The following ATIC variants were observed in gnomAD, a reference collection of about 807,000 sequenced individuals.
The protein encoded by ATIC is 5-aminoimidazole-4-carboxamide ribonucleotide formyltransferase/IMP cyclohydrolase.
ATIC carries 64 observed loss-of-function variants against 72.5 expected under a neutral mutation model. The observed-to-expected ratio is 0.88, with a 90% CI of 0.72 to 1.09. The LOEUF (loss-of-function observed/expected upper bound fraction) is 1.09. ATIC is among the 50% of genes least tolerant of loss of function. The probability of loss-of-function intolerance (pLI) is 0.00; values close to 1 mark genes in which losing one functional copy is unlikely to be tolerated. For synonymous variants in ATIC, 281 were observed against 267.1 expected, an observed-to-expected ratio of 1.05 and a Z score of -0.51; for missense variants, 787 against 732.4, an observed-to-expected ratio of 1.07 and a Z score of -0.86.
the ATIC span, chr2:215,365,006 G>C: frequency 2.1e-6 from 3 of 1,444,018 alleles, no homozygotes; most frequent in Non-Finnish European, 2.9e-6. Context: ...ACACAAGACA[G>C]ATGCACGCAT....
Position 215,326,933 on chromosome 2 carries a change from A to T in ATIC, c.643A>T (p.Thr215Ser). 1 of 1,614,044 alleles carries T rather than the reference A, an allele frequency of 6.2e-7. No individual in the cohort carries two copies. Among genetic ancestry groups the T allele is most frequent in the Non-Finnish European group, 8.5e-7 (1 of 1,180,014 alleles). ...GAGATATGGAATGAACCCACATCAG[A>T]CCCCTGCCCAGCTGTACACACTGCA... is the stretch of plus-strand genomic sequence containing the variant. ...PLRYGMNPHQ[T>S]PAQLYTLQPK... Residue 215 changes from threonine (T) to serine (S), a missense_variant, in exon 7 of 16, where the codon ACC becomes TCC. Coordinates refer to ENST00000236959, the MANE Select transcript of ATIC (RefSeq NM_004044.7).
rs187818678 is a variant in ATIC at position 215,344,344 on chromosome 2, T to C, written c.1228-435T>C. On this transcript the variant is annotated intron_variant, in intron 12 of 15. Coordinates refer to ENST00000236959, the MANE Select transcript of ATIC (RefSeq NM_004044.7). ...GAGAACAGTTAATTTCCCTCTGTCATTTGAGTGGTATAACTATGTTGTAGG... is the reference window on the plus strand; with the variant it reads ...GAGAACAGTTAATTTCCCTCTGTCACTTGAGTGGTATAACTATGTTGTAGG... 8.1e-4 allele frequency among the ~76,000 whole-genome samples: 124 copies of C among 152,236 alleles called. 1 individual carries two copies. In the East Asian group the frequency reaches 0.021, roughly 26 times the overall value.
intron 2 of ATIC, among the ~76,000 whole-genome samples, chr2:215,312,927 G>A (rs183795792): frequency 1.3e-5 from 2 of 152,184 alleles, no homozygotes; most frequent in Non-Finnish European, 2.9e-5. Context: ...GGTGAAACCC[G>A]TCTCTACTAA....
downstream of ATIC, among the ~76,000 whole-genome samples, chr2:215,352,129 A>G (rs1177997963): frequency 6.6e-6 from 1 of 152,332 alleles, no homozygotes; most frequent in South Asian, 2.1e-4. Context: ...GGAACAAAAA[A>G]AGGACATTAG....
chr2:215,329,835 T>C (rs1014603286), intron 7 of ATIC, among the ~76,000 whole-genome samples: 20 of 152,272 alleles, frequency 1.3e-4, no homozygotes, highest in African/African-American at 3.9e-4. Context: ...TGATCTCGGC[T>C]CACCACAACC....
intron 6 of ATIC, 22 bp downstream of exon 6, chr2:215,326,160 T>C (rs1251768928): frequency 1.9e-6 from 3 of 1,613,510 alleles, no homozygotes; most frequent in Admixed American, 1.7e-5. Context: ...TTTCATGATA[T>C]TGTAAGTTAC....
Position 215,349,079 on chromosome 2 carries a change from T to A in ATIC, c.1504-15T>A. 6.2e-7 allele frequency: 1 copy of A among 1,613,982 alleles called. No individual in the cohort carries two copies. Among genetic ancestry groups the A allele is most frequent in the Non-Finnish European group, 8.5e-7 (1 of 1,179,976 alleles). On this transcript the variant is annotated splice_polypyrimidine_tract_variant and intron_variant, in intron 14 of 15. Coordinates refer to ENST00000236959, the MANE Select transcript of ATIC (RefSeq NM_004044.7). ...ATGTCAGACCAAGCTTCTTCCTTTC[T>A]CTCTCCCCGCATAGGATGAAGATTT...
At chr2:215,360,970 T>C in the ATIC span, 1 of 154,836 alleles carries the variant, frequency 6.5e-6, no homozygotes, top group African/African-American at 2.4e-5. Context: ...CAAATTCCTC[T>C]TATCAACTGC....
chr2:215,320,891 G>T (rs1448853266), intron 4 of ATIC, among the ~76,000 whole-genome samples: 2 of 152,098 alleles, frequency 1.3e-5, no homozygotes, highest in Non-Finnish European at 2.9e-5. Context: ...GCCCGGCTCT[G>T]TTAAACAACC....
At chr2:215,357,069 G>T in the ATIC span, among the ~76,000 whole-genome samples, 1 of 152,168 alleles carries the variant, frequency 6.6e-6, no homozygotes, top group African/African-American at 2.4e-5. Context: ...GGTTCCAGTT[G>T]CTCCACCATC....
In ATIC at chr2:215,312,597, C is replaced by T; in HGVS notation, c.119C>T (p.Ala40Val). 1 of 1,614,160 alleles carries T rather than the reference C, an allele frequency of 6.2e-7. No homozygotes were observed. Among genetic ancestry groups the T allele is most frequent in the Non-Finnish European group, 8.5e-7 (1 of 1,180,032 alleles). ...NLVASGGTAKALRDAGLAVRD... is the reference protein window; with the variant it reads ...NLVASGGTAKVLRDAGLAVRD... Reference sequence around the variant, plus strand: ...GTCGCTTCCGGAGGGACTGCAAAAGCTCTCAGGGATGCTGGTCTGGCAGTC... The same window carrying T: ...GTCGCTTCCGGAGGGACTGCAAAAGTTCTCAGGGATGCTGGTCTGGCAGTC... The change falls in exon 2 of 16, where the codon GCT (alanine) becomes GTT (valine). Residue 40 changes from alanine (A) to valine (V), a missense_variant. Coordinates refer to ENST00000236959, the MANE Select transcript of ATIC (RefSeq NM_004044.7).
chr2:215,319,669 C>G lies in ATIC; in HGVS notation c.228C>G (p.Ile76Met). 6.2e-7 allele frequency: 1 copy of G among 1,608,564 alleles called. No individual in the cohort carries two copies. The highest frequency in any genetic ancestry group is 8.5e-7 in the Non-Finnish European group (1 of 1,175,066). Residue 76 changes from isoleucine (I) to methionine (M), a missense_variant, in exon 4 of 16, where the codon ATC becomes ATG. By Grantham distance (10) the Ile-to-Met change is conservative. Coordinates refer to ENST00000236959, the MANE Select transcript of ATIC (RefSeq NM_004044.7). ...TGTTTAACTTTTTTAAATTAGGAAT[C>G]CTAGCTCGTAATATTCCAGAAGATA... ...KTLHPAVHAG[I>M]LARNIPEDNA...
chr2:215,361,692 T>G, the ATIC span: 6 of 1,243,516 alleles, frequency 4.8e-6, no homozygotes, highest in South Asian at 3.6e-5. Context: ...GAAAAAAAAA[T>G]GCGGGGAGGT....
intron 5 of ATIC, 59 bp downstream of exon 5, chr2:215,325,388 A>G: frequency 7.5e-7 from 1 of 1,331,654 alleles, no homozygotes; most frequent in East Asian, 2.3e-5. Context: ...AATTTTAGTG[A>G]GATTTCATTT....
chr2:215,325,897 A>G (rs561298551), intron 5 of ATIC, 90 bp from the exon 6 acceptor site: 4 of 1,479,110 alleles, frequency 2.7e-6, no homozygotes, highest in Admixed American at 1.8e-5. Context: ...AGGAATTAAA[A>G]TGGAAGTACA....
intron 9 of ATIC, 84 bp downstream of exon 9, chr2:215,333,541 G>GA: frequency 9.8e-7 from 1 of 1,021,466 alleles, no homozygotes. Context: ...ATAGAATAAA[G>GA]AAAAAATATA....
chr2:215,312,662 C>A, intron 2 of ATIC, 38 bp downstream of exon 2: 1 of 1,613,880 alleles, frequency 6.2e-7, no homozygotes, highest in South Asian at 1.1e-5. Context: ...GGAGTGTGAT[C>A]ACATTAACCA....
intron 2 of ATIC, among the ~76,000 whole-genome samples, chr2:215,314,497 A>ATT (rs927518773): frequency 2.1e-5 from 3 of 146,330 alleles, no homozygotes; most frequent in Non-Finnish European, 4.5e-5. Flanking sequence ...AGAGGCCAAG[A>ATT]TTTTTTTTTT....
Position 215,346,783 on chromosome 2 carries a change from C to T in ATIC, c.1345C>T (p.Gln449Ter). 1 of 1,614,168 alleles carries T rather than the reference C, an allele frequency of 6.2e-7. No homozygotes were observed. Among genetic ancestry groups the T allele is most frequent in the Non-Finnish European group, 8.5e-7 (1 of 1,180,032 alleles). The change falls in exon 14 of 16, where the codon CAG becomes TAG. Residue 449 changes from glutamine (Q) to a stop codon, truncating the protein, a stop_gained. Transcript: ENST00000236959. LOFTEE classifies it high-confidence loss of function. ...GQVIGIGAGQQSRIHCTRLAG... is the reference protein window; with the variant it reads ...GQVIGIGAGQ ...GGTTATCGGCATTGGAGCAGGACAG[C>T]AGTCTCGTATACACTGCACTCGCCT... is the stretch of plus-strand genomic sequence containing the variant.
Sources: gnomAD v4.1 joint callset for allele counts (sites outside exome capture counted in the v4.1 genomes callset) on GRCh38, gnomAD v4.1.1 for gene constraint, MANE v1.5 for transcripts, NCBI Gene and HGNC (gene_info 2026-07-23, HGNC 2026-07-21) for gene names.